EML4: variants seen among roughly 807,000 people sequenced by gnomAD.
EML4 encodes echinoderm microtubule-associated protein-like 4.
EML4 carries 72 observed loss-of-function variants against 129.0 expected under a neutral mutation model. That is an observed-to-expected ratio of 0.56 (90% confidence interval 0.46 to 0.68). The LOEUF is 0.68. Ranked by LOEUF, EML4 falls within the 30% of genes least tolerant of loss-of-function variation. The probability of loss-of-function intolerance (pLI) is 0.00; values close to 1 mark genes in which losing one functional copy is unlikely to be tolerated. For synonymous variants in EML4, 532 were observed against 405.0 expected (o/e 1.31, Z -3.77); for missense variants, 1,363 against 1,190.6 (o/e 1.14, Z -2.13).
intron 17 of EML4, among the ~76,000 whole-genome samples, chr2:42,305,011 C>T (rs113498118): frequency 0.011 from 1,601 of 152,180 alleles, 24 homozygotes; most frequent in African/African-American, 0.037. Flanking sequence ...CCCAGCTATT[C>T]TGGAGGCTGA....
At position 42,295,412 on chromosome 2, in the gene EML4, T is replaced by C; in HGVS notation, c.1385T>C (p.Leu462Ser). Residue 462 changes from leucine to serine, a missense_variant, in exon 13 of 23, where the codon TTA becomes TCA. Physicochemically the swap from Leu to Ser is moderately radical, Grantham distance 145. Transcript: ENST00000318522. ...KYEKPKFVQCLAFLGNGDVLT... is the reference protein window; with the variant it reads ...KYEKPKFVQCSAFLGNGDVLT... ...GAAAAGCCAAAATTTGTGCAGTGTT[T>C]AGCATTCTTGGGGAATGGAGATGTT... is the stretch of plus-strand genomic sequence containing the variant. 1 of 1,614,018 alleles carries C rather than the reference T, an allele frequency of 6.2e-7. No homozygotes were observed. The highest frequency in any genetic ancestry group is 8.5e-7 in the Non-Finnish European group (1 of 1,179,942).
At chr2:42,201,202 A>G (rs1672212522) in intron 1 of EML4, among the ~76,000 whole-genome samples, 1 of 152,254 alleles carries the variant, frequency 6.6e-6, no homozygotes, top group African/African-American at 2.4e-5. Flanking sequence ...CTAGCTATTA[A>G]GTAAATATAT....
In EML4 at chr2:42,183,322, T is replaced by G. The variant is rs572828556; in HGVS notation, c.25+13686T>G. ...GAGGGGAGATAGACAATAAAGAGTT[T>G]TAATTAAATTATTCACTGTTAGGAG... On this transcript the variant is annotated intron_variant, in intron 1 of 22. Transcript: ENST00000318522. 2.0e-5 allele frequency among the ~76,000 whole-genome samples: 3 copies of G among 152,348 alleles called. 1 individual carries two copies. The highest frequency in any genetic ancestry group is 2.0e-4 in the Admixed American group (3 of 15,294).
intron 1 of EML4, among the ~76,000 whole-genome samples, chr2:42,205,729 T>C (rs753651761): frequency 1.3e-5 from 2 of 152,222 alleles, no homozygotes; most frequent in Non-Finnish European, 2.9e-5. Flanking sequence ...GTCAGAATTA[T>C]TTAGTGGTTG....
intron 19 of EML4, among the ~76,000 whole-genome samples, chr2:42,321,715 G>T (rs1176809824): frequency 6.6e-6 from 1 of 152,160 alleles, no homozygotes; most frequent in African/African-American, 2.4e-5. Flanking sequence ...ACAGAAGGGG[G>T]ATAATGTGGA....
intron 1 of EML4, among the ~76,000 whole-genome samples, chr2:42,202,082 C>G (rs890204377): frequency 8.1e-5 from 9 of 111,128 alleles, no homozygotes; most frequent in Non-Finnish European, 1.2e-4. Context: ...GACTCTGTCT[C>G]AAAAAAAAAA....
chr2:42,236,989 A>G (rs1674719544), intron 1 of EML4, among the ~76,000 whole-genome samples: 1 of 152,098 alleles, frequency 6.6e-6, no homozygotes, highest in African/African-American at 2.4e-5. Flanking sequence ...GACTGGCAAA[A>G]CCTTTGACTA....
chr2:42,203,103 A>T (rs1382109186), intron 1 of EML4, among the ~76,000 whole-genome samples: 1 of 152,202 alleles, frequency 6.6e-6, no homozygotes, highest in East Asian at 1.9e-4. Context: ...TGTTCTCACC[A>T]TAAAGAAGTA....
At chr2:42,188,271 AAAAATAATGTAGAGGAAATGG>A (rs1230766061) in intron 1 of EML4, among the ~76,000 whole-genome samples, 1 of 152,154 alleles carries the variant, frequency 6.6e-6, no homozygotes, top group East Asian at 1.9e-4. Context: ...TATATATTTG[AAAAATAATGTAGAGGAAATGG>A]AAAATAATGT....
chr2:42,196,201 G>C (rs1671886404), intron 1 of EML4, among the ~76,000 whole-genome samples: 1 of 152,110 alleles, frequency 6.6e-6, no homozygotes, highest in Non-Finnish European at 1.5e-5. Context: ...AATACATTCA[G>C]TCATTAATGA....
At chr2:42,278,680 T>C (rs761850650) in intron 6 of EML4, among the ~76,000 whole-genome samples, 4 of 151,302 alleles carry the variant, frequency 2.6e-5, no homozygotes, top group African/African-American at 4.8e-5. Context: ...ACGCCTGTAA[T>C]CTCAGCACTT....
At chr2:42,296,052 T>C (rs944725519) in intron 13 of EML4, among the ~76,000 whole-genome samples, 2 of 152,190 alleles carry the variant, frequency 1.3e-5, no homozygotes, top group Non-Finnish European at 1.5e-5. Context: ...CACCCAAATA[T>C]ACAGGTCCTC....
intron 1 of EML4, among the ~76,000 whole-genome samples, chr2:42,244,101 G>GTTTTTTTTTTTTTTTTT (rs147426155): frequency 8.6e-5 from 7 of 81,358 alleles, no homozygotes; most frequent in Non-Finnish European, 1.8e-4. Context: ...TTTGTTTTTT[G>GTTTTTTTTTTTTTTTTT]TTTTTTTTTT....
intron 3 of EML4, among the ~76,000 whole-genome samples, chr2:42,259,353 A>G (rs574502464): frequency 8.4e-4 from 128 of 152,218 alleles, no homozygotes; most frequent in African/African-American, 2.8e-3. Flanking sequence ...CAGCTTTATA[A>G]TATTGTCAAG....
chr2:42,193,592 C>G (rs961223626), intron 1 of EML4, among the ~76,000 whole-genome samples: 19 of 151,834 alleles, frequency 1.3e-4, no homozygotes, highest in Non-Finnish European at 2.4e-4. Flanking sequence ...TTTTTCATTG[C>G]TGAGATTTCT....
rs1665955046 is a variant in EML4 at position 42,264,724 on chromosome 2, C to T, written c.660C>T (p.Ile220=). The T allele has an allele frequency of 6.9e-7, 1 of 1,455,454 alleles. No homozygotes were observed. The highest frequency in any genetic ancestry group is 9.5e-7 in the Non-Finnish European group (1 of 1,049,252). The allele number at this position is 1,455,454 out of a possible 1,614,324, so 90.2% of individuals were successfully genotyped here. ...KTADKHKDVI[I]NQEGEYIKMF... ...TTTCTAGGCATAAAGATGTCATCAT[C>T]AACCAAGGTAAATTAAAAATCCTTT... is the stretch of plus-strand genomic sequence containing the variant. The change falls in exon 6 of 23, where the codon ATC becomes ATT. Residue 220 remains isoleucine, a synonymous_variant. Transcript: ENST00000318522.
At chr2:42,261,916 A>G (rs1013117462) in intron 4 of EML4, among the ~76,000 whole-genome samples, 2 of 152,150 alleles carry the variant, frequency 1.3e-5, no homozygotes, top group African/African-American at 4.8e-5. Flanking sequence ...TATTCTAACA[A>G]TGTGTGTGAG....
chr2:42,228,076 C>G (rs1233352323), intron 1 of EML4, among the ~76,000 whole-genome samples: 2 of 152,096 alleles, frequency 1.3e-5, no homozygotes, highest in African/African-American at 4.8e-5. Flanking sequence ...AAAAAATTAG[C>G]TGGACATGGT....
Position 42,304,514 on chromosome 2 carries a change from A to C in EML4, c.1930A>C (p.Ser644Arg), listed in dbSNP as rs753482880. Residue 644 changes from serine to arginine, a missense_variant, in exon 17 of 23, where the codon AGT becomes CGT. Physicochemically the swap from Ser to Arg is moderately radical, Grantham distance 110 (BLOSUM62 -1). Coordinates refer to ENST00000318522, the MANE Select transcript of EML4 (RefSeq NM_019063.5). ...EPGHCADFHP[S>R]GTVVAIGTHS... ...AGGACACTGTGCAGATTTTCATCCA[A>C]GTGGCACAGTGGTGGCCATAGGAAC... 1.9e-6 allele frequency: 3 copies of C among 1,614,014 alleles called. No individual in the cohort carries two copies. Among genetic ancestry groups the C allele is most frequent in the Admixed American group, 1.7e-5 (1 of 60,002 alleles).
Sources: gnomAD v4.1 joint callset for allele counts (sites outside exome capture counted in the v4.1 genomes callset) on GRCh38, gnomAD v4.1.1 for gene constraint, MANE v1.5 for transcripts, NCBI Gene and HGNC (gene_info 2026-07-23, HGNC 2026-07-21) for gene names.